Variants in RARS2 observed in about 807,000 individuals in gnomAD.
RARS2 encodes the protein arginyl-tRNA synthetase 2, mitochondrial, also known as probable arginine--tRNA ligase, mitochondrial.
In RARS2, 67 loss-of-function variants were observed where a neutral mutation model predicts 88.5. The ratio of observed to expected loss-of-function variants is 0.76; its 90% CI spans 0.62 to 0.93. The LOEUF is 0.93. Ranked by LOEUF, RARS2 falls within the 40% of genes least tolerant of loss-of-function variation. RARS2 has a pLI of 0.00. For missense variants in RARS2, 664 were observed against 684.2 expected, an observed-to-expected ratio of 0.97 and a Z score of 0.33; for synonymous variants, 239 against 230.3, an observed-to-expected ratio of 1.04 and a Z score of -0.34.
At chr6:87,548,166 C>T (rs909449807) in intron 6 of RARS2, among the ~76,000 whole-genome samples, 4 of 152,040 alleles carry the variant, frequency 2.6e-5, no homozygotes, top group Admixed American at 6.6e-5. Context: ...TCCTTTGAAC[C>T]TGGGAGGCAG....
At chr6:87,553,455 T>C (rs2128139114) in intron 5 of RARS2, among the ~76,000 whole-genome samples, 1 of 152,318 alleles carries the variant, frequency 6.6e-6, no homozygotes, top group Middle Eastern at 3.4e-3. Context: ...AGAGTAAATA[T>C]TTTAATAGGC....
chr6:87,519,193 T>C (rs946761274), intron 14 of RARS2: 96 of 267,204 alleles, frequency 3.6e-4, no homozygotes, highest in Non-Finnish European at 5.3e-4. Flanking sequence ...TATGTGTGTG[T>C]GTGTGTGTGT....
chr6:87,526,459 T>C (rs988788195), intron 10 of RARS2, among the ~76,000 whole-genome samples: 1 of 151,422 alleles, frequency 6.6e-6, no homozygotes, highest in Non-Finnish European at 1.5e-5. Flanking sequence ...GAGGTTGTAG[T>C]GAGCCAAGAA....
chr6:87,559,475 A>C (rs1048595369), intron 4 of RARS2, among the ~76,000 whole-genome samples: 10 of 70,860 alleles, frequency 1.4e-4, no homozygotes, highest in African/African-American at 3.8e-4. Flanking sequence ...AAAAAAAAAA[A>C]AAAAAAAAAA....
chr6:87,577,640 G>C (rs534558575), intron 1 of RARS2, among the ~76,000 whole-genome samples: 1 of 152,172 alleles, frequency 6.6e-6, no homozygotes, highest in South Asian at 2.1e-4. Context: ...CATCTTATCT[G>C]GTTCAACATA....
chr6:87,532,353 A>G (rs753133040), intron 8 of RARS2, among the ~76,000 whole-genome samples: 5 of 152,166 alleles, frequency 3.3e-5, no homozygotes, highest in Admixed American at 6.5e-5. Flanking sequence ...TTAACTGATA[A>G]AAGTGGTCAT....
chr6:87,528,564 T>C (rs145737191), intron 10 of RARS2, among the ~76,000 whole-genome samples: 167 of 152,260 alleles, frequency 1.1e-3, no homozygotes, highest in Non-Finnish European at 2.2e-3. Context: ...AGCCTTAAAA[T>C]AAAAGGAAAT....
intron 1 of RARS2, among the ~76,000 whole-genome samples, chr6:87,578,110 C>A (rs4132446): frequency 0.33 from 48,322 of 145,876 alleles, 8,105 homozygotes; most frequent in Admixed American, 0.43. Context: ...TAGCGAGACC[C>A]CCCCCCCCGC....
chr6:87,518,332 G>T, intron 16 of RARS2, 68 bp from the exon 17 acceptor site: 1 of 1,610,402 alleles, frequency 6.2e-7, no homozygotes, highest in Non-Finnish European at 8.5e-7. Flanking sequence ...AGAGCTGCAA[G>T]TGATGAACAT....
chr6:87,573,016 T>C (rs1163955651), intron 1 of RARS2, among the ~76,000 whole-genome samples: 1 of 152,158 alleles, frequency 6.6e-6, no homozygotes, highest in Non-Finnish European at 1.5e-5. Flanking sequence ...AAGATATAAA[T>C]AACAAGACAG....
intron 7 of RARS2, 58 bp from the exon 8 acceptor site, chr6:87,542,052 G>T: frequency 1.5e-6 from 2 of 1,299,990 alleles, no homozygotes; most frequent in South Asian, 1.2e-5. Context: ...GAATAGGCAT[G>T]ACAGGGAATA....
At chr6:87,556,727 G>A (rs973678693) in intron 4 of RARS2, among the ~76,000 whole-genome samples, 4 of 146,114 alleles carry the variant, frequency 2.7e-5, no homozygotes, top group South Asian at 2.1e-4. Context: ...GGGAAGCAGA[G>A]GTTGCAGTAA....
At chr6:87,519,295 A>G (rs2128004760) in intron 14 of RARS2, 1 of 380,776 alleles carries the variant, frequency 2.6e-6, no homozygotes, top group East Asian at 6.3e-5. Context: ...ACTTGTATCC[A>G]AATTATAACA....
rs375167951 is a variant in RARS2 at position 87,530,756 on chromosome 6, G to A, written c.771+28C>T. The A allele has an allele frequency of 2.5e-6, 4 of 1,612,606 alleles. No individual in the cohort carries two copies. The African/African-American group carries it at 5.3e-5, about 22-fold the overall frequency. On this transcript the variant is annotated intron_variant, in intron 9 of 19. Transcript: ENST00000369536. ...AGCCGAGAGCTGCACTGCATCATGG[G>A]AAAGCAGAAGGGAGGGTCAACCAAT... is the stretch of plus-strand genomic sequence containing the variant.
At chr6:87,573,897 A>T (rs777666740) in intron 1 of RARS2, among the ~76,000 whole-genome samples, 4 of 152,232 alleles carry the variant, frequency 2.6e-5, no homozygotes, top group Non-Finnish European at 5.9e-5. Flanking sequence ...GTTGATAGTC[A>T]AGTAAAAATA....
intron 4 of RARS2, among the ~76,000 whole-genome samples, chr6:87,561,048 T>C (rs1409063824): frequency 3.3e-5 from 5 of 152,230 alleles, no homozygotes; most frequent in African/African-American, 1.2e-4. Context: ...ATATTTACTT[T>C]TAATCATTAT....
intron 1 of RARS2, 117 bp downstream of exon 1, chr6:87,589,805 C>G: frequency 6.2e-7 from 1 of 1,609,386 alleles, no homozygotes; most frequent in Non-Finnish European, 8.5e-7. Context: ...GTGGTAGAAA[C>G]TAACAGGATT....
At chr6:87,552,071 A>G (rs944106580) in intron 5 of RARS2, among the ~76,000 whole-genome samples, 1 of 152,208 alleles carries the variant, frequency 6.6e-6, no homozygotes, top group Non-Finnish European at 1.5e-5. Context: ...TACACTACGT[A>G]CCAGGGAGGC....
In RARS2 at chr6:87,550,074, A is replaced by G. The variant is rs6917688; in HGVS notation, c.396-1428T>C. ...TACTACGATTTAAAAACTTGATCCT[A>G]TGGATATGTGTGCACAATTATGAAA... On this transcript the variant is annotated intron_variant, in intron 5 of 19. Coordinates refer to ENST00000369536, the MANE Select transcript of RARS2 (RefSeq NM_020320.5). Among the ~76,000 whole-genome samples the G allele has an allele frequency of 9.1e-3, 1,386 of 152,310 alleles. 20 individuals carry two copies. The highest frequency in any genetic ancestry group is 0.031 in the African/African-American group (1,291 of 41,566).
Sources: allele counts gnomAD v4.1 joint callset (sites outside exome capture counted in the v4.1 genomes callset), GRCh38; gene constraint gnomAD v4.1.1; transcripts MANE v1.5; gene names NCBI Gene and HGNC (gene_info 2026-07-23, HGNC 2026-07-21).